CDC42SE2: variants seen among roughly 807,000 people sequenced by gnomAD.
CDC42SE2 encodes CDC42 small effector protein 2.
In CDC42SE2, 3 loss-of-function variants were observed where a neutral mutation model predicts 11.5. The observed-to-expected ratio is 0.26, with a 90% confidence interval of 0.12 to 0.67. CDC42SE2 has a LOEUF of 0.67. Ranked by LOEUF, CDC42SE2 falls within the 30% of genes least tolerant of loss-of-function variation. The probability of loss-of-function intolerance (pLI) is 0.80; values close to 1 mark genes in which losing one functional copy is unlikely to be tolerated. For missense variants in CDC42SE2, 82 were observed against 106.8 expected (o/e 0.77, Z 1.02); for synonymous variants, 33 against 34.8 (o/e 0.95, Z 0.18).
chr5:131,217,722 T>C, the CDC42SE2 span, among the ~76,000 whole-genome samples: 251 of 152,284 alleles, frequency 1.6e-3, no homozygotes, highest in African/African-American at 5.7e-3. Context: ...AATTGATCAG[T>C]TGAACTACAT....
chr5:131,213,201 A>G, the CDC42SE2 span, among the ~76,000 whole-genome samples: 1 of 152,216 alleles, frequency 6.6e-6, no homozygotes, highest in East Asian at 1.9e-4. Flanking sequence ...TCTCAAAAAA[A>G]TATAATAATA....
the CDC42SE2 span, among the ~76,000 whole-genome samples, chr5:131,220,155 T>TTGTTTTAAGAATAACCC: frequency 6.6e-6 from 1 of 152,220 alleles, no homozygotes; most frequent in Non-Finnish European, 1.5e-5. Context: ...AATTATGCCA[T>TTGTTTTAAGAATAACCC]TGTTTTAAGA....
At chr5:131,309,427 C>T (rs947777720) in intron 1 of CDC42SE2, among the ~76,000 whole-genome samples, 5 of 152,074 alleles carry the variant, frequency 3.3e-5, no homozygotes, top group South Asian at 2.1e-4. Context: ...TGTGTCTCTG[C>T]GCGGCGTTGG....
At position 131,276,641 on chromosome 5, in the gene CDC42SE2, A is replaced by G. The variant is rs1018146080; in HGVS notation, c.-455+12475A>G. On this transcript the variant is annotated intron_variant, in intron 1 of 4. Transcript: ENST00000505065. ...ATTGTGGGACTTTCATATCGCCACA[A>G]TGTGTGTGTGGGTGTGTATATATAT... Among the ~76,000 whole-genome samples, 3 of 152,040 alleles carry G rather than the reference A, an allele frequency of 2.0e-5. No individual in the cohort carries two copies. The East Asian group carries it at 5.8e-4, about 29-fold the overall frequency.
upstream of CDC42SE2, among the ~76,000 whole-genome samples, chr5:131,263,250 A>C (rs1461876382): frequency 6.6e-6 from 1 of 152,116 alleles, no homozygotes; most frequent in Non-Finnish European, 1.5e-5. Flanking sequence ...TTTTGGCCTG[A>C]GTAACTAGAA....
chr5:131,235,078 A>G, the CDC42SE2 span, among the ~76,000 whole-genome samples: 3 of 151,440 alleles, frequency 2.0e-5, no homozygotes, highest in African/African-American at 7.3e-5. Context: ...TTTAGTAGAG[A>G]AGCGGTTTCA....
chr5:131,368,425 T>C (rs1749925317), intron 3 of CDC42SE2, among the ~76,000 whole-genome samples: 1 of 152,130 alleles, frequency 6.6e-6, no homozygotes, highest in South Asian at 2.1e-4. Flanking sequence ...ATTAATACTG[T>C]TTTGATATCT....
the CDC42SE2 span, among the ~76,000 whole-genome samples, chr5:131,236,494 T>C: frequency 6.6e-6 from 1 of 152,116 alleles, no homozygotes; most frequent in Non-Finnish European, 1.5e-5. Flanking sequence ...TGGCATGATC[T>C]TGGCTCACTG....
At chr5:131,317,562 A>T (rs1758066542) in intron 2 of CDC42SE2, among the ~76,000 whole-genome samples, 1 of 150,966 alleles carries the variant, frequency 6.6e-6, no homozygotes, top group African/African-American at 2.4e-5. Flanking sequence ...AGTAAGAGGG[A>T]TCTTGGGCCA....
At chr5:131,260,657 A>G (rs971528229), upstream of CDC42SE2, among the ~76,000 whole-genome samples, 3 of 143,540 alleles carry the variant, frequency 2.1e-5, no homozygotes, top group Non-Finnish European at 3.0e-5. Context: ...TAATAGGCCG[A>G]GTGCAGTGGC....
chr5:131,290,285 T>C (rs978375672), intron 1 of CDC42SE2, among the ~76,000 whole-genome samples: 6 of 152,182 alleles, frequency 3.9e-5, no homozygotes, highest in African/African-American at 1.4e-4. Context: ...TAAAATTGTC[T>C]AGACCTGTGT....
chr5:131,288,280 A>G (rs1005045730), intron 1 of CDC42SE2, among the ~76,000 whole-genome samples: 4 of 152,156 alleles, frequency 2.6e-5, no homozygotes, highest in Non-Finnish European at 5.9e-5. Context: ...AGTAAATGCA[A>G]CTTTTCCTCT....
rs769238911 is a variant in CDC42SE2 at position 131,252,491 on chromosome 5, TAAAAATACA to T, written n.108-2598_108-2590del. Reference sequence around the variant, plus strand: ...CTACATGGTGAAACCCCGTCTCTACTAAAAATACAAAAAAAATTAGCCGGGCGTGGTGGC... The same window carrying T: ...CTACATGGTGAAACCCCGTCTCTACTAAAAAAATTAGCCGGGCGTGGTGGC... On this transcript the variant is annotated intron_variant and non_coding_transcript_variant, in intron 1 of 3. Coordinates refer to the CDC42SE2 transcript ENST00000502840. 4.7e-4 allele frequency among the ~76,000 whole-genome samples: 71 copies of T among 152,188 alleles called. 2 individuals carry two copies. In the South Asian group the frequency reaches 0.01, roughly 22 times the overall value.
intron 1 of CDC42SE2, among the ~76,000 whole-genome samples, chr5:131,283,168 C>G (rs1757273172): frequency 1.3e-5 from 2 of 151,076 alleles, no homozygotes; most frequent in Non-Finnish European, 3.0e-5. Context: ...CTCAGGTGAT[C>G]TGCCCGCCTT....
At chr5:131,286,536 T>A (rs1488289720) in intron 1 of CDC42SE2, among the ~76,000 whole-genome samples, 1 of 151,890 alleles carries the variant, frequency 6.6e-6, no homozygotes, top group Non-Finnish European at 1.5e-5. Flanking sequence ...GGCTTTATAC[T>A]CAGCGTACAG....
intron 2 of CDC42SE2, among the ~76,000 whole-genome samples, chr5:131,320,480 G>A (rs957388008): frequency 6.6e-5 from 10 of 151,374 alleles, no homozygotes; most frequent in Non-Finnish European, 4.4e-5. Context: ...AGTGGCTTAT[G>A]CCTGTAATCC....
At chr5:131,222,081 A>G in the CDC42SE2 span, among the ~76,000 whole-genome samples, 1 of 152,258 alleles carries the variant, frequency 6.6e-6, no homozygotes, top group Non-Finnish European at 1.5e-5. Flanking sequence ...TCATCATTAC[A>G]TAATGCTCAC....
At chr5:131,335,727 C>A (rs1234809837) in intron 2 of CDC42SE2, among the ~76,000 whole-genome samples, 1 of 152,136 alleles carries the variant, frequency 6.6e-6, no homozygotes, top group African/African-American at 2.4e-5. Flanking sequence ...ATGTAATGAC[C>A]TTCTTTGTCT....
intron 1 of CDC42SE2, among the ~76,000 whole-genome samples, chr5:131,311,496 C>G (rs1449810978): frequency 6.6e-6 from 1 of 151,674 alleles, no homozygotes; most frequent in Non-Finnish European, 1.5e-5. Context: ...GCCTGCCTTG[C>G]TAGATTGGGG....
Sources: gnomAD v4.1 joint callset for allele counts (sites outside exome capture counted in the v4.1 genomes callset) on GRCh38, gnomAD v4.1.1 for gene constraint, MANE v1.5 for transcripts, NCBI Gene and HGNC (gene_info 2026-07-23, HGNC 2026-07-21) for gene names.